KIF3A: variants seen among roughly 807,000 people sequenced by gnomAD.
KIF3A encodes kinesin-like protein KIF3A.
KIF3A carries 27 observed loss-of-function variants against 92.6 expected under a neutral mutation model. The ratio of observed to expected loss-of-function variants is 0.29; its 90% CI spans 0.21 to 0.40. The LOEUF is 0.40. Ranked by LOEUF, KIF3A falls within the 10% of genes least tolerant of loss-of-function variation. The pLI is 1.00. For synonymous variants in KIF3A, 250 were observed against 275.4 expected, an observed-to-expected ratio of 0.91 and a Z score of 0.92; for missense variants, 581 against 872.6, an observed-to-expected ratio of 0.67 and a Z score of 4.21.
Position 132,730,327 on chromosome 5 carries a change from A to G in KIF3A, c.281-3829T>C, listed in dbSNP as rs906892457. 3.9e-5 allele frequency among the ~76,000 whole-genome samples: 6 copies of G among 152,222 alleles called. No individual in the cohort carries two copies. In the East Asian group the frequency reaches 7.8e-4, roughly 20 times the overall value. ...CTAAAACTACAAAAATGAGCCAGGC[A>G]TGGTGGCGTGTGCCTGTAATCCCAG... On this transcript the variant is annotated intron_variant, in intron 2 of 18. Transcript: ENST00000403231.
downstream of KIF3A, among the ~76,000 whole-genome samples, chr5:132,689,244 A>G (rs1416862571): frequency 3.9e-5 from 6 of 152,220 alleles, no homozygotes; most frequent in African/African-American, 1.4e-4. Flanking sequence ...AGGCTCCTCC[A>G]GCTCGCTTTA....
chr5:132,728,629 CG>C (rs1754119653), intron 2 of KIF3A, among the ~76,000 whole-genome samples: 1 of 151,780 alleles, frequency 6.6e-6, no homozygotes, highest in African/African-American at 2.4e-5. Context: ...CCCAGCTACT[CG>C]GGAAGGTGAA....
intron 4 of KIF3A, among the ~76,000 whole-genome samples, chr5:132,724,814 TATATATATATATA>T (rs1561708934): frequency 0.012 from 168 of 13,726 alleles, 10 homozygotes; most frequent in Middle Eastern, 0.056. Context: ...AAAATATATA[TATATATATATATA>T]TATATATATA....
chr5:132,703,371 C>A, intron 12 of KIF3A, 92 bp downstream of exon 12: 1 of 1,137,724 alleles, frequency 8.8e-7, no homozygotes, highest in Non-Finnish European at 1.2e-6. Context: ...AAAATCCAAG[C>A]TTTTAATTAC....
chr5:132,728,745 CAATAAATA>C (rs3048989), intron 2 of KIF3A, among the ~76,000 whole-genome samples: 9 of 149,578 alleles, frequency 6.0e-5, no homozygotes, highest in South Asian at 2.1e-4. Context: ...TCAAAAAATA[CAATAAATA>C]AATAAATAAA....
intron 5 of KIF3A, among the ~76,000 whole-genome samples, chr5:132,719,618 AG>A (rs1359682753): frequency 6.6e-6 from 1 of 151,764 alleles, no homozygotes; most frequent in African/African-American, 2.4e-5. Context: ...CAGCCTCCCG[AG>A]TAACTGGGAT....
downstream of KIF3A, among the ~76,000 whole-genome samples, chr5:132,691,966 A>ATT (rs1752676942): frequency 6.7e-6 from 1 of 150,196 alleles, no homozygotes; most frequent in Non-Finnish European, 1.5e-5. Flanking sequence ...AAAATTTAAA[A>ATT]TAAAATAAAA....
intron 4 of KIF3A, among the ~76,000 whole-genome samples, chr5:132,722,194 T>C (rs1753847210): frequency 1.3e-5 from 2 of 152,188 alleles, no homozygotes; most frequent in Admixed American, 6.5e-5. Context: ...AATCACAATA[T>C]GCTATTAATT....
rs1252206303 is a variant in KIF3A, at chr5:132,722,704, A to T, written c.511-1990T>A. On this transcript the variant is annotated intron_variant, in intron 4 of 18. Transcript: ENST00000403231. ...TTCCATATAGCAATAATATGAGAAC[A>T]CAGAAAAACTGAGGGAAGAATTGTG... Among the ~76,000 whole-genome samples, 3 of 152,244 alleles carry T rather than the reference A, an allele frequency of 2.0e-5. No homozygotes were observed. The East Asian group carries it at 5.8e-4, about 29-fold the overall frequency.
chr5:132,726,234 A>T (rs1398868802), intron 3 of KIF3A, 22 bp from the exon 4 acceptor site: 1 of 1,592,390 alleles, frequency 6.3e-7, no homozygotes, highest in Admixed American at 1.7e-5. Flanking sequence ...CATTTTTAAA[A>T]AGTCAAAGAG....
At position 132,699,231 on chromosome 5, in the gene KIF3A, A is replaced by G; in HGVS notation, c.2072T>C (p.Leu691Ser). ...AGTTCGTGGTCTTTCTAGTTTCATC[A>G]AAGACTGACGCAGACTCTCCTCAGT... is the stretch of plus-strand genomic sequence containing the variant. ...AYTEESLRQS[L>S]MKLERPRTSK... Residue 691 changes from leucine to serine, a missense_variant, in exon 18 of 19, where the codon TTG becomes TCG. Transcript: ENST00000403231. 6.2e-7 allele frequency: 1 copy of G among 1,613,896 alleles called. No individual in the cohort carries two copies. The highest frequency in any genetic ancestry group is 8.5e-7 in the Non-Finnish European group (1 of 1,179,802).
Position 132,719,508 on chromosome 5 carries a change from C to CT in KIF3A, c.616+1100dup, listed in dbSNP as rs902935654. On this transcript the variant is annotated intron_variant, in intron 5 of 18. Transcript: ENST00000403231. ...TTTTACCTCTAATCCCTCTTTTTTT[C>CT]TTTTTTTTTTGGTTGCTGTGTTGCC... Among the ~76,000 whole-genome samples the CT allele has an allele frequency of 4.8e-3, 699 of 146,330 alleles. 4 individuals are homozygous for CT. Among genetic ancestry groups the CT allele is most frequent in the African/African-American group, 0.014 (578 of 40,106 alleles).
chr5:132,724,835 ATATATATATATATATATATAT>A lies in KIF3A; in HGVS notation c.510+1272_510+1292del, dbSNP rs1484424662. Reference sequence around the variant, plus strand: ...TATATATATATATATATATATATATATATATATATATATATATATATTAAAAAATCATTCTAAGAAAGGGAT... The same window carrying A: ...TATATATATATATATATATATATATATAAAAAATCATTCTAAGAAAGGGAT... On this transcript the variant is annotated intron_variant, in intron 4 of 18. Coordinates refer to ENST00000403231, the MANE Select transcript of KIF3A (RefSeq NM_001300791.2). Among the ~76,000 whole-genome samples the A allele has an allele frequency of 7.5e-4, 44 of 58,514 alleles. 2 individuals are homozygous for A. The highest frequency in any genetic ancestry group is 4.5e-4 in the African/African-American group (8 of 17,818). The allele number at this position is 58,514 out of a possible 152,430, so 38.4% of individuals were successfully genotyped here. A position where few individuals can be genotyped will look rare whatever the true frequency, so the allele number is the denominator to read the frequency against.
At chr5:132,692,232 C>T (rs554460143), downstream of KIF3A, among the ~76,000 whole-genome samples, 3 of 152,154 alleles carry the variant, frequency 2.0e-5, no homozygotes, top group South Asian at 4.1e-4. Context: ...ATCTTATGAA[C>T]ACGAAGAAGG....
chr5:132,719,007 A>C (rs1687487538), intron 5 of KIF3A, among the ~76,000 whole-genome samples: 1 of 152,214 alleles, frequency 6.6e-6, no homozygotes, highest in South Asian at 2.1e-4. Context: ...GTTTTATTGA[A>C]GGTTATTTAG....
downstream of KIF3A, among the ~76,000 whole-genome samples, chr5:132,690,377 C>G (rs1752632930): frequency 6.6e-6 from 1 of 152,054 alleles, no homozygotes; most frequent in African/African-American, 2.4e-5. Context: ...GGCAATAGAG[C>G]AAAACCCTGT....
Position 132,726,300 on chromosome 5 carries a change from C to A in KIF3A, c.425+54G>T. ...TGTTTATAAAATTTATACCTATGTGCCTTTCCAGTGTTTGTACTTCTCAAT... is the reference window on the plus strand; with the variant it reads ...TGTTTATAAAATTTATACCTATGTGACTTTCCAGTGTTTGTACTTCTCAAT... On this transcript the variant is annotated intron_variant, in intron 3 of 18. Transcript: ENST00000403231. 5.7e-6 allele frequency: 9 copies of A among 1,583,684 alleles called. No individual in the cohort carries two copies. In the South Asian group the frequency reaches 8.9e-5, roughly 16 times the overall value.
chr5:132,729,238 C>A (rs1219291527), intron 2 of KIF3A, among the ~76,000 whole-genome samples: 1 of 152,012 alleles, frequency 6.6e-6, no homozygotes, highest in Non-Finnish European at 1.5e-5. Flanking sequence ...AGAACTTATT[C>A]ATGTAACTAA....
rs535584587 is a variant in KIF3A at position 132,694,230 on chromosome 5, C to T, written c.*2404G>A. On this transcript the variant is annotated 3_prime_UTR_variant, in exon 19 of 19. Coordinates refer to ENST00000403231, the MANE Select transcript of KIF3A (RefSeq NM_001300791.2). ...ACAGGCCCGGGCAACATGGCAAAAC[C>T]CCATCTCTACAAAAAAATACAAAAA... 7 of 152,056 alleles carry T rather than the reference C, an allele frequency of 4.6e-5. No individual in the cohort carries two copies. The highest frequency in any genetic ancestry group is 1.0e-4 in the Non-Finnish European group (7 of 68,114). The allele number at this position is 152,056 out of a possible 1,614,324, so 9.4% of individuals were successfully genotyped here.
Sources: gnomAD v4.1 joint callset for allele counts (sites outside exome capture counted in the v4.1 genomes callset) on GRCh38, gnomAD v4.1.1 for gene constraint, MANE v1.5 for transcripts, NCBI Gene and HGNC (gene_info 2026-07-23, HGNC 2026-07-21) for gene names.